Variants in OLFM2 observed in about 807,000 individuals in gnomAD.
The protein encoded by OLFM2 is olfactomedin 2.
OLFM2 carries 20 observed loss-of-function variants against 43.9 expected under a neutral mutation model. That is an observed-to-expected ratio of 0.46 (90% confidence interval 0.32 to 0.66). The LOEUF (loss-of-function observed/expected upper bound fraction) is 0.66. Among genes scored for constraint, OLFM2 ranks in the 30% least tolerant of loss-of-function variants. The pLI is 0.04. For synonymous variants in OLFM2, 268 were observed against 278.6 expected (o/e 0.96, Z 0.38); for missense variants, 416 against 643.6 (o/e 0.65, Z 3.83).
At position 9,856,885 on chromosome 19, in the gene OLFM2, GT is replaced by G; in HGVS notation, c.608del (p.Asn203ThrfsTer16). 2 of 1,612,434 alleles carry G rather than the reference GT, an allele frequency of 1.2e-6. No individual in the cohort carries two copies. Among genetic ancestry groups the G allele is most frequent in the Non-Finnish European group, 1.7e-6 (2 of 1,179,348 alleles). Reference protein sequence around the residue: ...LGCGKLTGVSNPITVRAMGSR... With the variant: ...LGCGKLTGVSXPITVRAMGSR... Reference sequence around the variant, plus strand: ...ACCCCATGGCCCGAACGGTGATGGGGTTACTGACCCCGGTCAGCTTCCCACA... The same window carrying G: ...ACCCCATGGCCCGAACGGTGATGGGGTACTGACCCCGGTCAGCTTCCCACA... On this transcript the variant is annotated frameshift_variant, in exon 5 of 6. Coordinates refer to ENST00000264833, the MANE Select transcript of OLFM2 (RefSeq NM_058164.4). LOFTEE classifies it high-confidence loss of function. This position sits in a 1 kb window ranked among gnomAD's most constrained non-coding sequence, Gnocchi z 4.0.
At chr19:9,878,384 T>TC (rs1191225740) in intron 1 of OLFM2, among the ~76,000 whole-genome samples, 1 of 16,458 alleles carries the variant, frequency 6.1e-5, no homozygotes, top group African/African-American at 9.1e-5. Flanking sequence ...TTTCTCTCTT[T>TC]TTTTTTTTTT....
intron 1 of OLFM2, chr19:9,913,629 C>T: frequency 7.8e-7 from 1 of 1,286,326 alleles, no homozygotes; most frequent in South Asian, 1.8e-5. Context: ...GCGCCTCCGC[C>T]TCATGCCCCG....
intron 1 of OLFM2, among the ~76,000 whole-genome samples, chr19:9,876,206 G>A (rs751327674): frequency 5.9e-5 from 9 of 152,288 alleles, no homozygotes; most frequent in East Asian, 1.9e-4. Context: ...ATCAGCGCCC[G>A]TGGTAGGGGC....
intron 1 of OLFM2, among the ~76,000 whole-genome samples, chr19:9,922,669 G>A (rs1216215483): frequency 1.3e-5 from 2 of 152,100 alleles, no homozygotes; most frequent in South Asian, 2.1e-4. Context: ...TGTAATCCCA[G>A]TACTTTGGGA....
At chr19:9,867,024 G>A (rs778194922) in intron 1 of OLFM2, among the ~76,000 whole-genome samples, 1 of 152,066 alleles carries the variant, frequency 6.6e-6, no homozygotes, top group Admixed American at 6.6e-5. Context: ...TCTTGCTGTC[G>A]GGCCAGGGAT....
Position 9,872,128 on chromosome 19 carries a change from T to C in OLFM2, c.64-11334A>G, listed in dbSNP as rs115306268. On this transcript the variant is annotated intron_variant, in intron 1 of 5. Transcript: ENST00000264833. ...GAGCCGTGACAGGGGGCCACGTCCC[T>C]TTGGAAAGCTTGAGATAATAGCAGC... 8.0e-3 allele frequency among the ~76,000 whole-genome samples: 1,215 copies of C among 152,242 alleles called. 16 individuals are homozygous for C. The highest frequency in any genetic ancestry group is 0.028 in the African/African-American group (1,147 of 41,540).
intron 1 of OLFM2, among the ~76,000 whole-genome samples, chr19:9,867,109 G>A (rs1233941475): frequency 7.2e-5 from 11 of 152,102 alleles, no homozygotes; most frequent in African/African-American, 1.4e-4. Flanking sequence ...GGTGGCTCAC[G>A]CCTGTAATCC....
chr19:9,859,127 A>G (rs2046347026), intron 2 of OLFM2, among the ~76,000 whole-genome samples: 1 of 152,200 alleles, frequency 6.6e-6, no homozygotes, highest in Non-Finnish European at 1.5e-5. Flanking sequence ...TTCCTGTACA[A>G]TTATTCACAT....
chr19:9,869,418 A>G (rs186213653), intron 1 of OLFM2, among the ~76,000 whole-genome samples: 177 of 152,214 alleles, frequency 1.2e-3, no homozygotes, highest in Non-Finnish European at 2.0e-3. Context: ...TTCTGGCTTC[A>G]CCATTCGCTT....
intron 1 of OLFM2, among the ~76,000 whole-genome samples, chr19:9,900,045 T>C (rs959806563): frequency 2.0e-5 from 3 of 152,090 alleles, no homozygotes; most frequent in African/African-American, 7.2e-5. Context: ...AATTGACAAA[T>C]GAGCGAATCA....
chr19:9,861,442 G>A (rs1047309380), intron 1 of OLFM2, among the ~76,000 whole-genome samples: 2 of 152,122 alleles, frequency 1.3e-5, no homozygotes, highest in African/African-American at 4.8e-5. Flanking sequence ...GGCATTACAG[G>A]CGTGAGCCAC....
chr19:9,931,315 T>TA (rs2086480744), intron 1 of OLFM2, among the ~76,000 whole-genome samples: 1 of 152,146 alleles, frequency 6.6e-6, no homozygotes, highest in Non-Finnish European at 1.5e-5. Flanking sequence ...AGTAGTGCAA[T>TA]GATAGCTCAC....
chr19:9,854,557 GC>G lies in OLFM2; in HGVS notation c.993del (p.Leu332SerfsTer44). The G allele has an allele frequency of 1.2e-6, 2 of 1,613,880 alleles. No individual in the cohort carries two copies. The highest frequency in any genetic ancestry group is 1.7e-6 in the Non-Finnish European group (2 of 1,180,044). ...SDMDFMVDES[G>X]LWAVYTTNQN... ...TGGTTGGTGGTGTACACAGCCCAGA[GC>G]CCGCTCTCGTCCACCATGAAGTCCA... On this transcript the variant is annotated frameshift_variant, in exon 6 of 6. Transcript: ENST00000264833. LOFTEE classifies it high-confidence loss of function. The surrounding 1 kb of genome is among the most constrained non-coding windows in gnomAD (Gnocchi z 9.5).
intron 1 of OLFM2, among the ~76,000 whole-genome samples, chr19:9,903,518 G>A (rs371097964): frequency 3.5e-4 from 53 of 152,258 alleles, no homozygotes; most frequent in East Asian, 1.3e-3. Context: ...ACATTCCTAC[G>A]CTCCTTTCAG....
chr19:9,931,288 C>T (rs879900267), intron 1 of OLFM2, among the ~76,000 whole-genome samples: 2 of 152,120 alleles, frequency 1.3e-5, no homozygotes, highest in Non-Finnish European at 2.9e-5. Flanking sequence ...CTCAGTCTGT[C>T]GCCCAAGCTG....
At chr19:9,905,381 C>T (rs2046776876) in intron 1 of OLFM2, among the ~76,000 whole-genome samples, 2 of 152,098 alleles carry the variant, frequency 1.3e-5, no homozygotes, top group East Asian at 1.9e-4. Flanking sequence ...GGCTTGAACC[C>T]GGAAGGCGGA....
intron 1 of OLFM2, among the ~76,000 whole-genome samples, chr19:9,864,839 C>G (rs1909270158): frequency 6.7e-6 from 1 of 148,954 alleles, no homozygotes; most frequent in African/African-American, 2.5e-5. Context: ...CTTTGCTGCC[C>G]AGGCTGGTCT....
At chr19:9,868,625 A>G (rs1375298146) in intron 1 of OLFM2, among the ~76,000 whole-genome samples, 1 of 152,182 alleles carries the variant, frequency 6.6e-6, no homozygotes, top group Non-Finnish European at 1.5e-5. Flanking sequence ...AGTTTTCTAC[A>G]ATGAACGTGT....
At chr19:9,935,728 G>A (rs8107511) in intron 1 of OLFM2, among the ~76,000 whole-genome samples, 15,878 of 151,788 alleles carry the variant, frequency 0.1, 2,379 homozygotes, top group African/African-American at 0.33. Context: ...ACCCCAACTC[G>A]GGCACTAGTT....
Sources: allele counts gnomAD v4.1 joint callset (sites outside exome capture counted in the v4.1 genomes callset), GRCh38; gene constraint gnomAD v4.1.1; non-coding constraint Gnocchi (gnomAD v3.1); transcripts MANE v1.5; gene names NCBI Gene and HGNC (gene_info 2026-07-23, HGNC 2026-07-21).